The following L3MBTL3 variants were observed in gnomAD, a reference collection of about 807,000 sequenced individuals.
The protein encoded by L3MBTL3 is lethal(3)malignant brain tumor-like protein 3.
A neutral mutation model predicts 102.3 loss-of-function variants in L3MBTL3; 27 were observed. The observed-to-expected ratio is 0.26, with a 90% confidence interval of 0.19 to 0.36. The LOEUF (loss-of-function observed/expected upper bound fraction) is 0.36, where lower values mean the gene tolerates loss of function less well. Among genes scored for constraint, L3MBTL3 ranks in the 10% least tolerant of loss-of-function variants. The pLI is 1.00. For synonymous variants in L3MBTL3, 340 were observed against 320.9 expected, an observed-to-expected ratio of 1.06 and a Z score of -0.64; for missense variants, 798 against 955.3, an observed-to-expected ratio of 0.84 and a Z score of 2.17.
chr6:130,065,518 C>A (rs573704743), intron 10 of L3MBTL3, among the ~76,000 whole-genome samples: 9 of 152,274 alleles, frequency 5.9e-5, no homozygotes, highest in African/African-American at 2.2e-4. Context: ...ACAGCTACCT[C>A]ACTATTTGAG....
At chr6:130,065,338 C>G (rs1441404488) in intron 10 of L3MBTL3, among the ~76,000 whole-genome samples, 1 of 152,104 alleles carries the variant, frequency 6.6e-6, no homozygotes, top group African/African-American at 2.4e-5. Flanking sequence ...AATGCATATA[C>G]TTATGTATAT....
intron 19 of L3MBTL3, among the ~76,000 whole-genome samples, chr6:130,112,758 C>T (rs1785434905): frequency 6.6e-6 from 1 of 152,116 alleles, no homozygotes; most frequent in Non-Finnish European, 1.5e-5. Flanking sequence ...GCTTGGATCT[C>T]TTTTCCTACA....
chr6:130,070,948 C>A (rs1184002700), intron 12 of L3MBTL3, 28 bp from the exon 13 acceptor site: 2 of 1,603,702 alleles, frequency 1.2e-6, no homozygotes, highest in South Asian at 2.2e-5. Context: ...GTGTGCTTAT[C>A]TCTAATTAAA....
chr6:130,094,345 G>A lies in L3MBTL3; in HGVS notation c.1714G>A (p.Ala572Thr), dbSNP rs189230347. 21 of 1,613,580 alleles carry A rather than the reference G, an allele frequency of 1.3e-5. No individual in the cohort carries two copies. The Admixed American group carries it at 3.2e-4, about 24-fold the overall frequency. ...GCKGIGHFKR[A>T]RHLGPHSAAN... ...TAAAGGGATTGGCCATTTCAAGAGA[G>A]CGAGACATCTGGGCCCTCACAGGTA... Residue 572 changes from alanine to threonine, a missense_variant, in exon 18 of 23, where the codon GCG becomes ACG. Coordinates refer to ENST00000361794, the MANE Select transcript of L3MBTL3 (RefSeq NM_032438.4).
chr6:130,055,527 T>TCTCCCTCTCTCC (rs1266305330), intron 8 of L3MBTL3, among the ~76,000 whole-genome samples: 7 of 101,852 alleles, frequency 6.9e-5, no homozygotes, highest in Non-Finnish European at 1.2e-4. Flanking sequence ...TCCCTGCCTC[T>TCTCCCTCTCTCC]CTCCCTCTCT....
rs185746331 is a variant in L3MBTL3, at chr6:130,035,971, C to T, written c.-15-6714C>T. ...GTGACTTGCATTGTGACTCTCTTAC[C>T]TACCTGTTTTGTGTGTGTGTGTGTG... On this transcript the variant is annotated intron_variant, in intron 2 of 22. Transcript: ENST00000361794. Among the ~76,000 whole-genome samples, 506 of 118,320 alleles carry T rather than the reference C, an allele frequency of 4.3e-3. 2 individuals carry two copies. Among genetic ancestry groups the T allele is most frequent in the Middle Eastern group, 0.024 (6 of 246 alleles). 77.6% of individuals were successfully genotyped at this position (118,320 alleles called of 152,430 possible).
chr6:130,086,331 G>A (rs1244306082), intron 16 of L3MBTL3, 81 bp downstream of exon 16: 3 of 864,306 alleles, frequency 3.5e-6, no homozygotes, highest in East Asian at 2.5e-5. Flanking sequence ...TACTTAACTT[G>A]TGAAGTCCTG....
At chr6:130,116,126 GGTTA>G (rs75953946) in intron 19 of L3MBTL3, among the ~76,000 whole-genome samples, 3,503 of 152,210 alleles carry the variant, frequency 0.023, 67 homozygotes, top group Non-Finnish European at 0.035. Context: ...GTTGAAGAAA[GGTTA>G]GTTAAAGACA....
intron 13 of L3MBTL3, among the ~76,000 whole-genome samples, chr6:130,073,617 A>G (rs555909329): frequency 2.0e-5 from 3 of 152,278 alleles, no homozygotes; most frequent in East Asian, 1.9e-4. Flanking sequence ...CTGATTTGAC[A>G]TAAGATGCGT....
chr6:130,086,397 C>T (rs947346154), intron 16 of L3MBTL3, 147 bp downstream of exon 16: 1 of 637,214 alleles, frequency 1.6e-6, no homozygotes, highest in Non-Finnish European at 2.8e-6. Flanking sequence ...CTTTGTAAAT[C>T]AGCATTCTTC....
intron 19 of L3MBTL3, among the ~76,000 whole-genome samples, chr6:130,117,952 C>A (rs556604421): frequency 2.3e-4 from 34 of 144,884 alleles, no homozygotes; most frequent in South Asian, 4.5e-4. Flanking sequence ...CTCAAGCAAT[C>A]CTCCCGCCTC....
rs1379043789 is a variant in L3MBTL3, at chr6:130,133,774, T to C, written c.2137-69T>C. On this transcript the variant is annotated intron_variant, in intron 21 of 22. Transcript: ENST00000361794. This position sits in a 1 kb window ranked among gnomAD's most constrained non-coding sequence, Gnocchi z 4.9. ...ATAACTAATGCATATGGGTTAAATG[T>C]TTTGAACCTGTAGCATTTAGATTCT... 1.3e-6 allele frequency: 2 copies of C among 1,493,908 alleles called. No homozygotes were observed. Among genetic ancestry groups the C allele is most frequent in the East Asian group, 2.3e-5 (1 of 44,172 alleles). The allele number at this position is 1,493,908 out of a possible 1,614,324, so 92.5% of individuals were successfully genotyped here. A position where few individuals can be genotyped will look rare whatever the true frequency, so the allele number is the denominator to read the frequency against.
At chr6:130,111,417 A>G (rs1785339816) in intron 19 of L3MBTL3, among the ~76,000 whole-genome samples, 1 of 152,214 alleles carries the variant, frequency 6.6e-6, no homozygotes, top group South Asian at 2.1e-4. Flanking sequence ...CCAAGCAGCC[A>G]GAGCCCAGGG....
chr6:130,057,110 C>T (rs1781557442), intron 8 of L3MBTL3, among the ~76,000 whole-genome samples: 1 of 152,214 alleles, frequency 6.6e-6, no homozygotes, highest in Non-Finnish European at 1.5e-5. Flanking sequence ...CTTCTAGAAG[C>T]TCTCCCTTCC....
At chr6:130,129,204 CCT>C (rs1786838416) in intron 20 of L3MBTL3, among the ~76,000 whole-genome samples, 1 of 151,928 alleles carries the variant, frequency 6.6e-6, no homozygotes, top group African/African-American at 2.4e-5. Flanking sequence ...GGTCTTTATG[CCT>C]CTTATTCATG....
chr6:130,093,674 G>A (rs1270955419), intron 17 of L3MBTL3, among the ~76,000 whole-genome samples: 1 of 152,186 alleles, frequency 6.6e-6, no homozygotes, highest in Non-Finnish European at 1.5e-5. Context: ...ACCAAAGAAG[G>A]ATATTGGGCC....
intron 18 of L3MBTL3, among the ~76,000 whole-genome samples, chr6:130,097,802 TC>T (rs1480161166): frequency 2.0e-5 from 3 of 152,102 alleles, no homozygotes; most frequent in African/African-American, 7.2e-5. Flanking sequence ...GCGCAGTGGC[TC>T]ATGTCTGTGA....
At chr6:130,050,059 T>G (rs1235652036) in intron 5 of L3MBTL3, among the ~76,000 whole-genome samples, 1 of 152,234 alleles carries the variant, frequency 6.6e-6, no homozygotes, top group East Asian at 1.9e-4. Flanking sequence ...AGATCTGGCC[T>G]TTTCTATCTA....
intron 20 of L3MBTL3, among the ~76,000 whole-genome samples, chr6:130,123,367 T>C (rs1235695164): frequency 6.6e-6 from 1 of 152,284 alleles, no homozygotes; most frequent in Middle Eastern, 3.4e-3. Flanking sequence ...TTATTTTTAT[T>C]GTTTTTTTAC....
Sources: gnomAD v4.1 joint callset for allele counts (sites outside exome capture counted in the v4.1 genomes callset) on GRCh38, gnomAD v4.1.1 for gene constraint, Gnocchi (gnomAD v3.1) non-coding constraint, MANE v1.5 for transcripts, NCBI Gene and HGNC (gene_info 2026-07-23, HGNC 2026-07-21) for gene names.